Variants in OTOGL observed in about 807,000 individuals in gnomAD.
OTOGL encodes the protein otogelin like.
A neutral mutation model predicts 318.5 loss-of-function variants in OTOGL; 285 were observed. That is an observed-to-expected ratio of 0.89 (90% CI 0.81 to 0.99). The LOEUF (loss-of-function observed/expected upper bound fraction) is 0.99, where lower values mean the gene tolerates loss of function less well. Ranked by LOEUF, OTOGL falls within the 50% of genes least tolerant of loss-of-function variation. The probability of loss-of-function intolerance (pLI) is 0.00; values close to 1 mark genes in which losing one functional copy is unlikely to be tolerated. For synonymous variants in OTOGL, 987 were observed against 936.5 expected, an observed-to-expected ratio of 1.05 and a Z score of -0.99; for missense variants, 2,899 against 2,845.6, an observed-to-expected ratio of 1.02 and a Z score of -0.43.
At chr12:80,201,403 AG>A (rs919591246) in intron 1 of OTOGL, among the ~76,000 whole-genome samples, 1 of 152,022 alleles carries the variant, frequency 6.6e-6, no homozygotes, top group African/African-American at 2.4e-5. Context: ...ATAGCGAGAG[AG>A]GGAGCAAGAG....
rs1220875285 is a variant in OTOGL at position 80,380,858 on chromosome 12, G to T, written c.*2810G>T. The T allele has an allele frequency of 6.6e-6, 1 of 152,104 alleles. No homozygotes were observed. The highest frequency in any genetic ancestry group is 1.5e-5 in the Non-Finnish European group (1 of 67,992). 9.4% of individuals were successfully genotyped at this position (152,104 alleles called of 1,614,324 possible). A position where few individuals can be genotyped will look rare whatever the true frequency, so the allele number is the denominator to read the frequency against. ...TTGTAATAGAAAAAAACCAACAATA[G>T]TTGAATAAACTACGTTAATCCACAT... On this transcript the variant is annotated 3_prime_UTR_variant, in exon 59 of 59. Transcript: ENST00000547103.
chr12:80,172,344 T>C (rs923901970), intron 1 of OTOGL, among the ~76,000 whole-genome samples: 1 of 152,204 alleles, frequency 6.6e-6, no homozygotes. Flanking sequence ...TTTCATTCCT[T>C]CTATTGTTCC....
At chr12:80,354,510 A>G (rs1465293030) in intron 46 of OTOGL, among the ~76,000 whole-genome samples, 1 of 152,202 alleles carries the variant, frequency 6.6e-6, no homozygotes, top group Non-Finnish European at 1.5e-5. Context: ...CATTGTCTCC[A>G]TGGTGGTGGC....
intron 1 of OTOGL, among the ~76,000 whole-genome samples, chr12:80,121,074 T>C (rs983604250): frequency 6.6e-6 from 1 of 152,172 alleles, no homozygotes; most frequent in Non-Finnish European, 1.5e-5. Context: ...TGAGGGGATA[T>C]TCAAGCTTCA....
intron 1 of OTOGL, among the ~76,000 whole-genome samples, chr12:80,104,893 G>A (rs1691536869): frequency 1.3e-5 from 2 of 152,180 alleles, no homozygotes; most frequent in Middle Eastern, 3.4e-3. Context: ...TCGGGAGTTC[G>A]ACACCTGCCT....
At chr12:80,179,852 T>C (rs1874796273) in intron 1 of OTOGL, among the ~76,000 whole-genome samples, 4 of 152,218 alleles carry the variant, frequency 2.6e-5, no homozygotes. Flanking sequence ...CCATGAAATA[T>C]ACAAACTCCT....
At chr12:80,210,530 T>C (rs1253357380) in intron 2 of OTOGL, among the ~76,000 whole-genome samples, 1 of 152,166 alleles carries the variant, frequency 6.6e-6, no homozygotes, top group Non-Finnish European at 1.5e-5. Context: ...GTGCTTGGCA[T>C]TTTGTTTAAG....
At chr12:80,335,799 G>A (rs1888354275) in intron 38 of OTOGL, among the ~76,000 whole-genome samples, 164 bp from the exon 39 acceptor site, 1 of 151,976 alleles carries the variant, frequency 6.6e-6, no homozygotes, top group African/African-American at 2.4e-5. Flanking sequence ...ATTATAGAAA[G>A]GGTACATCAA....
intron 1 of OTOGL, among the ~76,000 whole-genome samples, chr12:80,205,364 A>G (rs1275634023): frequency 6.6e-6 from 1 of 152,216 alleles, no homozygotes; most frequent in African/African-American, 2.4e-5. Flanking sequence ...CAGCAAGTTG[A>G]AAAACAAATG....
rs1888808318 is a variant in OTOGL at position 80,342,057 on chromosome 12, A to G, written c.5160A>G (p.Ser1720=). Residue 1720 remains serine (S), a synonymous_variant, in exon 44 of 59, where the codon TCA becomes TCG. Coordinates refer to ENST00000547103, the MANE Select transcript of OTOGL (RefSeq NM_001378609.3). ...LFIESWEIEK[S]FEVTMRRPVR... is the part of the protein sequence containing the mutation. ...TTGAGAGCTGGGAAATTGAGAAATC[A>G]TTTGAAGTAACAATGAGAAGACCTG... 1 of 1,608,046 alleles carries G rather than the reference A, an allele frequency of 6.2e-7. No individual in the cohort carries two copies. Among genetic ancestry groups the G allele is most frequent in the Non-Finnish European group, 8.5e-7 (1 of 1,176,494 alleles).
chr12:80,191,333 G>A (rs1256577900), intron 1 of OTOGL, among the ~76,000 whole-genome samples: 8 of 152,114 alleles, frequency 5.3e-5, no homozygotes, highest in South Asian at 2.1e-4. Flanking sequence ...AGCTACTCGG[G>A]AGGCTGAGAC....
At chr12:80,125,140 G>T (rs1870741588) in intron 1 of OTOGL, among the ~76,000 whole-genome samples, 1 of 152,130 alleles carries the variant, frequency 6.6e-6, no homozygotes, top group Non-Finnish European at 1.5e-5. Flanking sequence ...ATGCTTCCAG[G>T]TTCTGCCCAT....
chr12:80,209,523 A>G lies in OTOGL; in HGVS notation c.79+13A>G, dbSNP rs1877079314. The G allele has an allele frequency of 1.4e-6, 2 of 1,422,976 alleles. No homozygotes were observed. Among genetic ancestry groups the G allele is most frequent in the Non-Finnish European group, 1.9e-6 (2 of 1,052,834 alleles). 88.1% of individuals were successfully genotyped at this position (1,422,976 alleles called of 1,614,324 possible). On this transcript the variant is annotated intron_variant, in intron 2 of 58. Transcript: ENST00000547103. ...TTTTCATTACAAGGTAAGAACTCAG[A>G]TTAAATTTTTATGTTAATTTATTGT... is the stretch of plus-strand genomic sequence containing the variant.
intron 1 of OTOGL, among the ~76,000 whole-genome samples, chr12:80,103,619 G>T (rs981152534): frequency 6.6e-6 from 1 of 152,144 alleles, no homozygotes; most frequent in Admixed American, 6.6e-5. Context: ...TAGAATGCAG[G>T]TTCCATAAAA....
chr12:80,378,208 GT>G lies in OTOGL; in HGVS notation c.*163del, dbSNP rs1471728526. On this transcript the variant is annotated 3_prime_UTR_variant, in exon 59 of 59. Coordinates refer to ENST00000547103, the MANE Select transcript of OTOGL (RefSeq NM_001378609.3). ...TAGCAATTTGTACAAAATATATACAGTTTCAATAGCAAAATTAAATTTATTG... is the reference window on the plus strand; with the variant it reads ...TAGCAATTTGTACAAAATATATACAGTTCAATAGCAAAATTAAATTTATTG... The G allele has an allele frequency of 3.7e-6, 2 of 545,762 alleles. No homozygotes were observed. The highest frequency in any genetic ancestry group is 6.3e-6 in the Non-Finnish European group (2 of 316,100). The allele number at this position is 545,762 out of a possible 1,614,324, so 33.8% of individuals were successfully genotyped here.
chr12:80,228,846 A>G (rs527436559), intron 7 of OTOGL, among the ~76,000 whole-genome samples: 44 of 152,140 alleles, frequency 2.9e-4, no homozygotes, highest in African/African-American at 1.0e-3. Context: ...TCACTTTTCA[A>G]CCTTTAAATA....
chr12:80,167,959 C>CTCTCCTCTCCTCTCCTCTCT (rs1873934424), intron 1 of OTOGL, among the ~76,000 whole-genome samples: 1 of 151,054 alleles, frequency 6.6e-6, no homozygotes, highest in East Asian at 1.9e-4. Flanking sequence ...CTCTCCTTGC[C>CTCTCCTCTCCTCTCCTCTCT]TCTCCTCTCC....
At position 80,128,260 on chromosome 12, in the gene OTOGL, T is replaced by A. The variant is rs548181827; in HGVS notation, c.-20+28655T>A. ...TGTTTGTTAGTTTTCCTTCTAACAG[T>A]CAGGACCCTCAGCTGCAGGTCTGCT... is the stretch of plus-strand genomic sequence containing the variant. On this transcript the variant is annotated intron_variant, in intron 1 of 58. Coordinates refer to ENST00000547103, the MANE Select transcript of OTOGL (RefSeq NM_001378609.3). Among the ~76,000 whole-genome samples, 627 of 152,306 alleles carry A rather than the reference T, an allele frequency of 4.1e-3. 5 individuals are homozygous for A. Among genetic ancestry groups the A allele is most frequent in the Middle Eastern group, 0.027 (8 of 294 alleles).
At chr12:80,119,374 C>T (rs1439111171) in intron 1 of OTOGL, among the ~76,000 whole-genome samples, 2 of 152,220 alleles carry the variant, frequency 1.3e-5, no homozygotes, top group Non-Finnish European at 2.9e-5. Context: ...AGCTGGTCTC[C>T]TTGCCCCTAA....
Sources: gnomAD v4.1 joint callset for allele counts (sites outside exome capture counted in the v4.1 genomes callset) on GRCh38, gnomAD v4.1.1 for gene constraint, MANE v1.5 for transcripts, NCBI Gene and HGNC (gene_info 2026-07-23, HGNC 2026-07-21) for gene names.